The following ARSG variants were observed in gnomAD, a reference collection of about 807,000 sequenced individuals.
ARSG encodes arylsulfatase G.
A neutral mutation model predicts 50.5 loss-of-function variants in ARSG; 37 were observed. The observed-to-expected ratio is 0.73, with a 90% CI of 0.56 to 0.96. The LOEUF (loss-of-function observed/expected upper bound fraction) is 0.96, where lower values mean the gene tolerates loss of function less well. Among genes scored for constraint, ARSG ranks in the 50% least tolerant of loss-of-function variants. The pLI is 0.00. For missense variants in ARSG, 629 were observed against 675.3 expected, an observed-to-expected ratio of 0.93 and a Z score of 0.76; for synonymous variants, 225 against 254.6, an observed-to-expected ratio of 0.88 and a Z score of 1.11.
intron 8 of ARSG, among the ~76,000 whole-genome samples, chr17:68,377,374 G>T (rs1333125619): frequency 6.6e-6 from 1 of 152,190 alleles, no homozygotes; most frequent in Non-Finnish European, 1.5e-5. Flanking sequence ...CTTGCTCTTT[G>T]AACCTAGCAA....
At chr17:68,344,217 G>A (rs2078405438) in intron 3 of ARSG, among the ~76,000 whole-genome samples, 1 of 152,148 alleles carries the variant, frequency 6.6e-6, no homozygotes, top group South Asian at 2.1e-4. Context: ...AGCTCTGCCT[G>A]CACCCCAAGA....
At chr17:68,377,609 G>T (rs2080214206) in intron 8 of ARSG, among the ~76,000 whole-genome samples, 1 of 152,156 alleles carries the variant, frequency 6.6e-6, no homozygotes, top group Non-Finnish European at 1.5e-5. Flanking sequence ...GGCCTCTAAT[G>T]ATAACCCCCA....
At chr17:68,397,145 G>A (rs137918271) in intron 10 of ARSG, among the ~76,000 whole-genome samples, 281 of 152,228 alleles carry the variant, frequency 1.8e-3, no homozygotes, top group African/African-American at 5.8e-3. Context: ...GGAGTTTTGC[G>A]CAGGCTCGTA....
At chr17:68,411,356 T>C (rs1280078154) in intron 11 of ARSG, among the ~76,000 whole-genome samples, 2 of 151,954 alleles carry the variant, frequency 1.3e-5, no homozygotes, top group South Asian at 2.1e-4. Flanking sequence ...AGAACATCTT[T>C]ATTTCTGCCT....
intron 11 of ARSG, among the ~76,000 whole-genome samples, chr17:68,412,629 GT>G (rs1168359467): frequency 2.2e-4 from 34 of 152,228 alleles, no homozygotes; most frequent in African/African-American, 8.2e-4. Context: ...GAATATCTTT[GT>G]GGCGTTCTCT....
the ARSG span, chr17:68,450,787 T>C: frequency 6.2e-7 from 1 of 1,614,004 alleles, no homozygotes; most frequent in East Asian, 2.2e-5. Context: ...CAGATCTCTG[T>C]GCCTTTCTTG....
intron 1 of ARSG, among the ~76,000 whole-genome samples, chr17:68,275,637 T>C (rs782602792): frequency 7.2e-5 from 11 of 152,198 alleles, no homozygotes; most frequent in Non-Finnish European, 1.5e-5. Context: ...TTAGTCCTAA[T>C]TCATTTGTTA....
chr17:68,302,967 C>G (rs1239985935), intron 1 of ARSG, among the ~76,000 whole-genome samples: 4 of 152,144 alleles, frequency 2.6e-5, no homozygotes, highest in African/African-American at 7.2e-5. Flanking sequence ...AGTGCTCCTT[C>G]CCTGTGTCTA....
At chr17:68,408,030 G>A (rs1450063708) in intron 11 of ARSG, among the ~76,000 whole-genome samples, 5 of 148,678 alleles carry the variant, frequency 3.4e-5, no homozygotes, top group Non-Finnish European at 7.4e-5. Context: ...TTTTTTATTG[G>A]TGCAAATTAC....
chr17:68,324,976 C>A (rs184140769), intron 2 of ARSG, among the ~76,000 whole-genome samples: 146 of 152,298 alleles, frequency 9.6e-4, no homozygotes, highest in African/African-American at 2.9e-3. Context: ...ACCTCCCTCA[C>A]TGACCAGTGA....
At chr17:68,398,788 CTG>C (rs1372273783) in intron 10 of ARSG, among the ~76,000 whole-genome samples, 1 of 152,218 alleles carries the variant, frequency 6.6e-6, no homozygotes, top group Non-Finnish European at 1.5e-5. Context: ...GACGTTGTCT[CTG>C]TGATGTTCGA....
chr17:68,372,736 A>G lies in ARSG; in HGVS notation c.982+2212A>G, dbSNP rs537140121. Among the ~76,000 whole-genome samples the G allele has an allele frequency of 1.1e-3, 175 of 152,210 alleles. 1 individual carries two copies. The highest frequency in any genetic ancestry group is 3.6e-3 in the African/African-American group (151 of 41,530). ...GCTGTTTTCCCTGCTGTCAAACTCA[A>G]TCCTGACCTATGACCCTCAGCTGTC... On this transcript the variant is annotated intron_variant, in intron 8 of 11. Coordinates refer to ENST00000621439, the MANE Select transcript of ARSG (RefSeq NM_001267727.2).
At chr17:68,437,172 A>G in the ARSG span, among the ~76,000 whole-genome samples, 17 of 152,130 alleles carry the variant, frequency 1.1e-4, no homozygotes, top group Non-Finnish European at 2.1e-4. Flanking sequence ...AAAAGTCAGT[A>G]CATATTGGTC....
chr17:68,356,652 G>A lies in ARSG; in HGVS notation c.567-15G>A, dbSNP rs2079045255. On this transcript the variant is annotated splice_polypyrimidine_tract_variant and intron_variant, in intron 5 of 11. Coordinates refer to ENST00000621439, the MANE Select transcript of ARSG (RefSeq NM_001267727.2). ...GTAGGAAATGAATACTCTATGGTCTGTGGTTTCCACACAGGAACCTTCAAA... is the reference window on the plus strand; with the variant it reads ...GTAGGAAATGAATACTCTATGGTCTATGGTTTCCACACAGGAACCTTCAAA... 2 of 1,614,144 alleles carry A rather than the reference G, an allele frequency of 1.2e-6. No individual in the cohort carries two copies. Among genetic ancestry groups the A allele is most frequent in the Middle Eastern group, 1.6e-4 (1 of 6,062 alleles).
In ARSG at chr17:68,367,495, C is replaced by T. The variant is rs74870616; in HGVS notation, c.705-1053C>T. Among the ~76,000 whole-genome samples the T allele has an allele frequency of 0.034, 5,199 of 152,242 alleles. 146 individuals are homozygous for T. The highest frequency in any genetic ancestry group is 0.054 in the Non-Finnish European group (3,687 of 68,000). Reference sequence around the variant, plus strand: ...TTGTTTGGTGTCCTCTGAAAGACCCCCCATGGATGGATCTGTGGGAGAGGG... The same window carrying T: ...TTGTTTGGTGTCCTCTGAAAGACCCTCCATGGATGGATCTGTGGGAGAGGG... On this transcript the variant is annotated intron_variant, in intron 6 of 11. Coordinates refer to ENST00000621439, the MANE Select transcript of ARSG (RefSeq NM_001267727.2). The surrounding 1 kb of genome is among the most constrained non-coding windows in gnomAD (Gnocchi z 4.5).
chr17:68,346,934 A>G (rs549592265), intron 3 of ARSG, 191 bp from the exon 4 acceptor site: 2 of 1,506,066 alleles, frequency 1.3e-6, no homozygotes, highest in South Asian at 1.2e-5. Context: ...GTCATCCTTT[A>G]TGTGTCCCTG....
intron 8 of ARSG, among the ~76,000 whole-genome samples, chr17:68,371,777 C>A (rs1287616316): frequency 6.6e-6 from 1 of 152,028 alleles, no homozygotes; most frequent in East Asian, 1.9e-4. Context: ...AATTATTATA[C>A]CTCCATTAAA....
downstream of ARSG, chr17:68,426,247 A>AGGGGGGGGGGGGGG: frequency 3.0e-6 from 2 of 655,814 alleles, no homozygotes; most frequent in East Asian, 4.3e-5. Context: ...GCGGGTGGGG[A>AGGGGGGGGGGGGGG]GCGGGGGCTC....
intron 2 of ARSG, among the ~76,000 whole-genome samples, chr17:68,341,361 A>G (rs1433064518): frequency 6.6e-6 from 1 of 152,258 alleles, no homozygotes; most frequent in East Asian, 1.9e-4. Flanking sequence ...CTGTATAACA[A>G]CATAGTCCAG....
Sources: gnomAD v4.1 joint callset for allele counts (sites outside exome capture counted in the v4.1 genomes callset) on GRCh38, gnomAD v4.1.1 for gene constraint, Gnocchi (gnomAD v3.1) non-coding constraint, MANE v1.5 for transcripts, NCBI Gene and HGNC (gene_info 2026-07-23, HGNC 2026-07-21) for gene names.